The following NT5DC1 variants were observed in gnomAD, a reference collection of about 807,000 sequenced individuals.
NT5DC1 encodes the protein 5'-nucleotidase domain containing 1.
NT5DC1 carries 42 observed loss-of-function variants against 59.4 expected under a neutral mutation model. That is an observed-to-expected ratio of 0.71 (90% CI 0.55 to 0.92). The LOEUF is 0.92. Among genes scored for constraint, NT5DC1 ranks in the 40% least tolerant of loss-of-function variants. The pLI is 0.00. For missense variants in NT5DC1, 501 were observed against 537.1 expected (o/e 0.93, Z 0.66); for synonymous variants, 172 against 188.1 (o/e 0.91, Z 0.70).
intron 6 of NT5DC1, among the ~76,000 whole-genome samples, chr6:116,212,466 G>A (rs374606253): frequency 1.4e-3 from 206 of 152,194 alleles, no homozygotes; most frequent in African/African-American, 4.7e-3. Flanking sequence ...ATCTTTATGT[G>A]TGTTCTGAAA....
intron 6 of NT5DC1, among the ~76,000 whole-genome samples, chr6:116,162,308 A>G (rs953019504): frequency 6.6e-6 from 1 of 152,150 alleles, no homozygotes; most frequent in Non-Finnish European, 1.5e-5. Context: ...AACTTCCATT[A>G]CTATGTTGAA....
chr6:116,110,815 A>G (rs1210727520), intron 3 of NT5DC1, 35 bp from the exon 4 acceptor site: 14 of 1,427,576 alleles, frequency 9.8e-6, no homozygotes, highest in East Asian at 2.3e-5. Flanking sequence ...TCAAGGAACC[A>G]TTAATGAGCA....
At chr6:116,194,593 A>G (rs1297794596) in intron 6 of NT5DC1, among the ~76,000 whole-genome samples, 1 of 152,078 alleles carries the variant, frequency 6.6e-6, no homozygotes, top group African/African-American at 2.4e-5. Context: ...TAAAACTATA[A>G]CAACTGTGAG....
intron 6 of NT5DC1, among the ~76,000 whole-genome samples, chr6:116,219,977 AAAAAAAAC>A (rs1339322670): frequency 8.7e-5 from 13 of 149,544 alleles, no homozygotes; most frequent in African/African-American, 1.5e-4. Flanking sequence ...AAAAAAAAAA[AAAAAAAAC>A]AACTCTTCTT....
At chr6:116,221,371 A>C (rs1781801705) in intron 7 of NT5DC1, 143 bp downstream of exon 7, 5 of 588,786 alleles carry the variant, frequency 8.5e-6, no homozygotes, top group Admixed American at 2.9e-5. Context: ...TTCTCATGAC[A>C]TACCTCAATC....
intron 6 of NT5DC1, among the ~76,000 whole-genome samples, chr6:116,212,283 A>G (rs978890452): frequency 2.6e-5 from 4 of 152,080 alleles, no homozygotes; most frequent in East Asian, 1.9e-4. Flanking sequence ...ACTGATACAA[A>G]TACAGGTGGA....
intron 6 of NT5DC1, among the ~76,000 whole-genome samples, chr6:116,123,519 C>T (rs1028147070): frequency 2.0e-5 from 3 of 152,248 alleles, no homozygotes; most frequent in Non-Finnish European, 4.4e-5. Context: ...CATCTGCCCA[C>T]CAGCTGTGGA....
chr6:116,195,487 A>G (rs1781203674), intron 6 of NT5DC1, among the ~76,000 whole-genome samples: 2 of 152,052 alleles, frequency 1.3e-5, no homozygotes, highest in Non-Finnish European at 2.9e-5. Context: ...CATTACTAAA[A>G]TATTCATTTT....
chr6:116,134,425 G>A (rs1054478634), intron 6 of NT5DC1, among the ~76,000 whole-genome samples: 10 of 152,120 alleles, frequency 6.6e-5, no homozygotes, highest in African/African-American at 1.9e-4. Context: ...TTTCCTGAAC[G>A]TAATTCAAGG....
At chr6:116,143,606 C>A (rs1021280256) in intron 6 of NT5DC1, among the ~76,000 whole-genome samples, 2 of 152,032 alleles carry the variant, frequency 1.3e-5, no homozygotes, top group African/African-American at 4.8e-5. Context: ...TCACACTGTC[C>A]TTGTTAGCTA....
chr6:116,228,517 A>G (rs1781950540), intron 8 of NT5DC1, among the ~76,000 whole-genome samples: 1 of 152,184 alleles, frequency 6.6e-6, no homozygotes, highest in African/African-American at 2.4e-5. Flanking sequence ...TCAAAAAAAA[A>G]AAGAAGAAAA....
chr6:116,118,694 A>G (rs1295781186), intron 6 of NT5DC1, among the ~76,000 whole-genome samples: 1 of 152,242 alleles, frequency 6.6e-6, no homozygotes, highest in East Asian at 1.9e-4. Context: ...ATTTGTTCAA[A>G]CTGCATATTT....
At chr6:116,242,998 C>T (rs1446695377) in intron 11 of NT5DC1, among the ~76,000 whole-genome samples, 1 of 152,162 alleles carries the variant, frequency 6.6e-6, no homozygotes, top group East Asian at 1.9e-4. Context: ...TCCGCTGGTT[C>T]CTCCTTCCCA....
intron 6 of NT5DC1, among the ~76,000 whole-genome samples, chr6:116,219,679 A>G (rs1204793): frequency 0.43 from 64,631 of 151,922 alleles, 17,710 homozygotes; most frequent in African/African-American, 0.78. Context: ...CTTCCTGGCC[A>G]GGCATGGTGG....
chr6:116,238,891 A>G, intron 10 of NT5DC1, 64 bp from the exon 11 acceptor site: 1 of 1,076,352 alleles, frequency 9.3e-7, no homozygotes, highest in Non-Finnish European at 1.4e-6. Flanking sequence ...CTTAATAGAC[A>G]AAAAAATTAT....
At chr6:116,238,500 A>G (rs1782167769) in intron 10 of NT5DC1, 152 bp downstream of exon 10, 2 of 430,578 alleles carry the variant, frequency 4.6e-6, no homozygotes, top group Admixed American at 8.4e-5. Flanking sequence ...TAATAATTTG[A>G]AACTTTGTAT....
intron 6 of NT5DC1, among the ~76,000 whole-genome samples, chr6:116,178,088 T>TGTGTGTGTGCGCGC (rs1491426656): frequency 2.0e-5 from 2 of 99,624 alleles, no homozygotes; most frequent in African/African-American, 9.3e-5. Flanking sequence ...TGTGTGTGTG[T>TGTGTGTGTGCGCGC]GCGCGCGCGC....
At chr6:116,107,208 T>C (rs1778783246) in intron 2 of NT5DC1, among the ~76,000 whole-genome samples, 1 of 148,254 alleles carries the variant, frequency 6.7e-6, no homozygotes, top group Non-Finnish European at 1.5e-5. Flanking sequence ...CTAAACCACA[T>C]GAAAAATACC....
At chr6:116,171,357 TATAA>T (rs1236850309) in intron 6 of NT5DC1, among the ~76,000 whole-genome samples, 2 of 152,126 alleles carry the variant, frequency 1.3e-5, no homozygotes, top group Non-Finnish European at 2.9e-5. Context: ...GACCAGGAAT[TATAA>T]ATAGACACTG....
Sources: allele counts gnomAD v4.1 joint callset (sites outside exome capture counted in the v4.1 genomes callset), GRCh38; gene constraint gnomAD v4.1.1; transcripts MANE v1.5; gene names NCBI Gene and HGNC (gene_info 2026-07-23, HGNC 2026-07-21).